GC: variants seen among roughly 807,000 people sequenced by gnomAD.
GC encodes the protein GC vitamin D binding protein.
Under a neutral mutation model 56.7 loss-of-function variants are expected in GC, and 43 were observed. The observed-to-expected ratio is 0.76, with a 90% confidence interval of 0.59 to 0.98. GC has a LOEUF of 0.98. GC is among the 50% of genes least tolerant of loss of function. GC has a pLI of 0.00. For synonymous variants in GC, 216 were observed against 202.7 expected (o/e 1.07, Z -0.56); for missense variants, 529 against 545.9 (o/e 0.97, Z 0.31).
intron 1 of GC, among the ~76,000 whole-genome samples, chr4:71,797,199 G>A (rs983482145): frequency 1.3e-5 from 2 of 152,218 alleles, no homozygotes; most frequent in African/African-American, 4.8e-5. Context: ...GCCATGCTGG[G>A]AGAACTACTA....
At chr4:71,744,190 C>A (rs769055912) in intron 12 of GC, among the ~76,000 whole-genome samples, 14 of 151,756 alleles carry the variant, frequency 9.2e-5, no homozygotes, top group Non-Finnish European at 1.8e-4. Flanking sequence ...TGCCTGTAAT[C>A]CCAGCACTTC....
intron 1 of GC, among the ~76,000 whole-genome samples, chr4:71,792,550 T>G (rs140002632): frequency 0.11 from 17,246 of 152,168 alleles, 1,048 homozygotes; most frequent in Middle Eastern, 0.13. Context: ...CTTTGTAGAT[T>G]CTGGATATTA....
chr4:71,801,206 T>A (rs1200718848), intron 1 of GC, among the ~76,000 whole-genome samples: 1 of 151,996 alleles, frequency 6.6e-6, no homozygotes, highest in East Asian at 1.9e-4. Context: ...GATACACAAA[T>A]CCAATAGGCA....
At chr4:71,793,332 T>C (rs1200274224) in intron 1 of GC, among the ~76,000 whole-genome samples, 1 of 152,086 alleles carries the variant, frequency 6.6e-6, no homozygotes, top group Non-Finnish European at 1.5e-5. Flanking sequence ...CCTCTTATTT[T>C]GTTAAGCAGT....
At chr4:71,792,527 A>G (rs1406300287) in intron 1 of GC, among the ~76,000 whole-genome samples, 2 of 151,444 alleles carry the variant, frequency 1.3e-5, no homozygotes, top group South Asian at 4.2e-4. Context: ...TTTCTTGTAG[A>G]TTTGTTTAAG....
At chr4:71,794,573 G>A (rs1400257927) in intron 1 of GC, among the ~76,000 whole-genome samples, 7 of 151,922 alleles carry the variant, frequency 4.6e-5, no homozygotes, top group Non-Finnish European at 7.4e-5. Context: ...CTAGCTAGTG[G>A]TCTATCAATT....
rs562147685 is a variant in GC, at chr4:71,761,355, C to T, written c.701+2053G>A. On this transcript the variant is annotated intron_variant, in intron 6 of 12. Coordinates refer to ENST00000273951, the MANE Select transcript of GC (RefSeq NM_000583.4). ...ATATCTGGCAGAAGGAATTTCTAAG[C>T]AGCAAAGCATTCAAGAGGTGAATTG... is the stretch of plus-strand genomic sequence containing the variant. 4.2e-4 allele frequency among the ~76,000 whole-genome samples: 64 copies of T among 152,256 alleles called. 2 individuals carry two copies. In the South Asian group the frequency reaches 0.013, roughly 31 times the overall value.
chr4:71,741,780 G>A lies in GC; in HGVS notation c.*116C>T. On this transcript the variant is annotated 3_prime_UTR_variant, in exon 13 of 13. Transcript: ENST00000273951. Reference sequence around the variant, plus strand: ...GAAGATATTGTAGCTAGAAAAAGTAGAAAGTATCCTAGTTGTCTTCCCAGA... The same window carrying A: ...GAAGATATTGTAGCTAGAAAAAGTAAAAAGTATCCTAGTTGTCTTCCCAGA... 3 of 698,674 alleles carry A rather than the reference G, an allele frequency of 4.3e-6. No homozygotes were observed. The highest frequency in any genetic ancestry group is 7.8e-6 in the Non-Finnish European group (3 of 383,988). The allele number at this position is 698,674 out of a possible 1,614,324, so 43.3% of individuals were successfully genotyped here.
intron 7 of GC, 40 bp downstream of exon 7, chr4:71,758,002 A>T: frequency 1.3e-5 from 20 of 1,593,474 alleles, no homozygotes; most frequent in Non-Finnish European, 1.7e-5. Flanking sequence ...GGCACTCAAT[A>T]CCTGGCACAT....
At chr4:71,796,247 T>G (rs187996008) in intron 1 of GC, among the ~76,000 whole-genome samples, 1 of 152,344 alleles carries the variant, frequency 6.6e-6, no homozygotes, top group Non-Finnish European at 1.5e-5. Context: ...GATAATATCC[T>G]TAAGAGTGTT....
intron 6 of GC, among the ~76,000 whole-genome samples, chr4:71,763,075 TG>T (rs1369236539): frequency 2.0e-5 from 3 of 152,228 alleles, no homozygotes; most frequent in South Asian, 4.1e-4. Context: ...CAAAAGGTTG[TG>T]TTTTTTTGGT....
chr4:71,783,025 A>G (rs1383450195), intron 1 of GC, among the ~76,000 whole-genome samples: 1 of 151,846 alleles, frequency 6.6e-6, no homozygotes, highest in Non-Finnish European at 1.5e-5. Flanking sequence ...TGTAAGAAGA[A>G]GAATAAAAAG....
At chr4:71,769,278 A>T in intron 2 of GC, 53 bp downstream of exon 2, 1 of 1,278,066 alleles carries the variant, frequency 7.8e-7, no homozygotes, top group Non-Finnish European at 1.1e-6. Context: ...CCTCACACTC[A>T]GTTTTGTTCA....
chr4:71,769,466 TGTATAA>T, intron 1 of GC, 66 bp from the exon 2 acceptor site: 2 of 1,020,676 alleles, frequency 2.0e-6, no homozygotes, highest in South Asian at 2.7e-5. Context: ...TACATGTACA[TGTATAA>T]AGTGATCTTC....
At position 71,746,153 on chromosome 4, in the gene GC, A is replaced by C; in HGVS notation, c.*23T>G. 1 of 1,165,034 alleles carries C rather than the reference A, an allele frequency of 8.6e-7. No individual in the cohort carries two copies. The highest frequency in any genetic ancestry group is 1.3e-6 in the Non-Finnish European group (1 of 777,040). 72.2% of individuals were successfully genotyped at this position (1,165,034 alleles called of 1,614,324 possible). A position where few individuals can be genotyped will look rare whatever the true frequency, so the allele number is the denominator to read the frequency against. ...CTGCATTTATAAAATATACTTACCA[A>C]AGTTAATAAACATGCTTCAGGACTA... On this transcript the variant is annotated splice_region_variant and 3_prime_UTR_variant, in exon 12 of 13. Coordinates refer to ENST00000273951, the MANE Select transcript of GC (RefSeq NM_000583.4).
intron 5 of GC, 30 bp from the exon 6 acceptor site, chr4:71,763,532 A>G (rs1377781181): frequency 2.7e-5 from 36 of 1,314,168 alleles, no homozygotes; most frequent in Non-Finnish European, 3.4e-5. Flanking sequence ...ATCTCATTAT[A>G]TGGTCAAGAC....
chr4:71,792,406 C>G (rs1195717070), intron 1 of GC, among the ~76,000 whole-genome samples: 1 of 152,208 alleles, frequency 6.6e-6, no homozygotes, highest in Admixed American at 6.5e-5. Context: ...TTGCATTTCT[C>G]TGATGACCAG....
In GC at chr4:71,765,633, A is replaced by G. The variant is rs1319426340; in HGVS notation, c.272T>C (p.Leu91Pro). Reference protein sequence around the residue: ...PDCYDTRTSALSAKSCESNSP... With the variant: ...PDCYDTRTSAPSAKSCESNSP... ...ATTACTTTCACAGGACTTGGCAGAC[A>G]GTGCTGAGGTCTGGAGGAGAAGGAA... is the stretch of plus-strand genomic sequence containing the variant. The change falls in exon 4 of 13, where the codon CTG becomes CCG. Residue 91 changes from leucine (L) to proline (P), a missense_variant. Coordinates refer to ENST00000273951, the MANE Select transcript of GC (RefSeq NM_000583.4). 6.2e-7 allele frequency: 1 copy of G among 1,610,368 alleles called. No individual in the cohort carries two copies. The highest frequency in any genetic ancestry group is 1.1e-5 in the South Asian group (1 of 91,014).
rs1038193053 is a variant in GC at position 71,754,972 on chromosome 4, A to G, written c.1164+6T>C. On this transcript the variant is annotated splice_donor_region_variant and intron_variant, in intron 9 of 12. Transcript: ENST00000273951. The stretch of plus-strand genomic sequence containing the variant: ...GTGCTTGATAAAGAAAATCCAACAA[A>G]TATACCTTAGCATTAAAACAGGTAG... 26 of 1,561,820 alleles carry G rather than the reference A, an allele frequency of 1.7e-5. No homozygotes were observed. Among genetic ancestry groups the G allele is most frequent in the Non-Finnish European group, 2.0e-5 (23 of 1,159,018 alleles).
Sources: allele counts gnomAD v4.1 joint callset (sites outside exome capture counted in the v4.1 genomes callset), GRCh38; gene constraint gnomAD v4.1.1; transcripts MANE v1.5; gene names NCBI Gene and HGNC (gene_info 2026-07-23, HGNC 2026-07-21).